The following TBCD variants were observed in gnomAD, a reference collection of about 807,000 sequenced individuals.
TBCD encodes the protein tubulin-specific chaperone D.
TBCD carries 105 observed loss-of-function variants against 169.3 expected under a neutral mutation model. The ratio of observed to expected loss-of-function variants is 0.62; its 90% CI spans 0.53 to 0.73. The LOEUF is 0.73. Among genes scored for constraint, TBCD ranks in the 30% least tolerant of loss-of-function variants. TBCD has a pLI of 0.00. For synonymous variants in TBCD, 700 were observed against 643.9 expected (o/e 1.09, Z -1.32); for missense variants, 1,444 against 1,600.1 (o/e 0.90, Z 1.66).
chr17:82,753,062 C>T (rs1474291359), intron 1 of TBCD, among the ~76,000 whole-genome samples: 1 of 152,204 alleles, frequency 6.6e-6, no homozygotes, highest in African/African-American at 2.4e-5. Flanking sequence ...TGGGTTATTT[C>T]CAAACAAGTC....
At position 82,832,895 on chromosome 17, in the gene TBCD, G is replaced by A. The variant is rs1202779684; in HGVS notation, c.1318+17961G>A. On this transcript the variant is annotated intron_variant, in intron 13 of 38. Transcript: ENST00000355528. This position sits in a 1 kb window ranked among gnomAD's most constrained non-coding sequence, Gnocchi z 4.9. ...TCACCTCGGGGCCTAGAGGTGGAGT[G>A]TGGTGTGTGGTGCGTTGAGTGTCTG... Among the ~76,000 whole-genome samples the A allele has an allele frequency of 6.6e-6, 1 of 152,214 alleles. No individual in the cohort carries two copies. Among genetic ancestry groups the A allele is most frequent in the Non-Finnish European group, 1.5e-5 (1 of 68,028 alleles).
At chr17:82,859,700 C>T (rs1404052259) in intron 13 of TBCD, 1 of 985,328 alleles carries the variant, frequency 1.0e-6, no homozygotes, top group Non-Finnish European at 1.2e-6. Flanking sequence ...CAGGGCTTGC[C>T]CGCCGGGAGT....
rs951889784 is a variant in TBCD at position 82,923,403 on chromosome 17, A to G, written c.2179-249A>G. ...ATTGCTGTGCCGAGATCTCAGGGTG[A>G]CCCGCTGTGTCCCTGGTCAGGTCCT... On this transcript the variant is annotated intron_variant, in intron 25 of 38. Transcript: ENST00000355528. The surrounding 1 kb of genome is among the most constrained non-coding windows in gnomAD (Gnocchi z 4.6). Among the ~76,000 whole-genome samples, 6 of 151,986 alleles carry G rather than the reference A, an allele frequency of 3.9e-5. No homozygotes were observed. Among genetic ancestry groups the G allele is most frequent in the Admixed American group, 6.5e-5 (1 of 15,272 alleles).
At chr17:82,846,311 G>GCGTCCGGCATGCCACGTCCCCT (rs1567879164) in intron 13 of TBCD, among the ~76,000 whole-genome samples, 4,339 of 131,962 alleles carry the variant, frequency 0.033, 261 homozygotes, top group East Asian at 0.074. Context: ...TCCACGTGCT[G>GCGTCCGGCATGCCACGTCCCCT]CGTCCAGCGT....
intron 16 of TBCD, among the ~76,000 whole-genome samples, chr17:82,892,781 C>T (rs2059230037): frequency 6.6e-6 from 1 of 152,164 alleles, no homozygotes; most frequent in Non-Finnish European, 1.5e-5. Context: ...TAAAGTTTGT[C>T]ATTTGTATTT....
chr17:82,809,588 G>C, intron 11 of TBCD, 120 bp from the exon 12 acceptor site: 1 of 1,080,930 alleles, frequency 9.3e-7, no homozygotes, highest in Non-Finnish European at 1.4e-6. Flanking sequence ...CCTGGAGTTG[G>C]CCTCTTCTCT....
intron 7 of TBCD, 33 bp downstream of exon 7, chr17:82,781,754 C>T: frequency 6.2e-7 from 1 of 1,606,532 alleles, no homozygotes; most frequent in Non-Finnish European, 8.5e-7. Context: ...GTGGAGATCG[C>T]AGGGAAATGG....
At chr17:82,940,389 C>T (rs957679918) in intron 37 of TBCD, among the ~76,000 whole-genome samples, 20 of 152,086 alleles carry the variant, frequency 1.3e-4, no homozygotes, top group South Asian at 8.3e-4. Flanking sequence ...TTTTGAGTGC[C>T]GACTGTGAGG....
chr17:82,919,703 T>C lies in TBCD; in HGVS notation c.2039-853T>C, dbSNP rs566095903. On this transcript the variant is annotated intron_variant, in intron 23 of 38. Coordinates refer to ENST00000355528, the MANE Select transcript of TBCD (RefSeq NM_005993.5). Reference sequence around the variant, plus strand: ...GGTTGGCACTGAAGAATCTTGGTGCTGACAGACACAGAGCAGGGTCTCTCG... The same window carrying C: ...GGTTGGCACTGAAGAATCTTGGTGCCGACAGACACAGAGCAGGGTCTCTCG... 4.6e-5 allele frequency among the ~76,000 whole-genome samples: 7 copies of C among 152,252 alleles called. No individual in the cohort carries two copies. In the South Asian group the frequency reaches 1.5e-3, roughly 32 times the overall value.
At chr17:82,784,133 A>G (rs1568127500) in intron 7 of TBCD, among the ~76,000 whole-genome samples, 1 of 152,196 alleles carries the variant, frequency 6.6e-6, no homozygotes, top group South Asian at 2.1e-4. Context: ...GAAAAAAAAA[A>G]CAGAAAAAAC....
chr17:82,814,956 A>AG, intron 13 of TBCD, 22 bp downstream of exon 13: 3 of 1,609,920 alleles, frequency 1.9e-6, no homozygotes, highest in South Asian at 1.1e-5. Context: ...AGGCACGGTC[A>AG]GGGGGGATGT....
intron 23 of TBCD, among the ~76,000 whole-genome samples, chr17:82,912,070 G>A (rs1402319571): frequency 6.6e-6 from 1 of 152,256 alleles, no homozygotes; most frequent in Non-Finnish European, 1.5e-5. Context: ...GGAAGCAGAG[G>A]CAGCTGGGGC....
At position 82,893,318 on chromosome 17, in the gene TBCD, T is replaced by G. The variant is rs763246544; in HGVS notation, c.1564-229T>G. On this transcript the variant is annotated intron_variant, in intron 16 of 38. Coordinates refer to ENST00000355528, the MANE Select transcript of TBCD (RefSeq NM_005993.5). ...TTGTTTGAAAAAGATGAAATACTTG[T>G]GAGTGGTTTCAATGATTTAGCGTGG... 2.0e-4 allele frequency: 109 copies of G among 545,900 alleles called. 1 individual carries two copies. The Middle Eastern group carries it at 3.0e-3, about 15-fold the overall frequency. 33.8% of individuals were successfully genotyped at this position (545,900 alleles called of 1,614,324 possible).
At chr17:82,924,350 G>C (rs1306859124) in intron 26 of TBCD, among the ~76,000 whole-genome samples, 1 of 152,182 alleles carries the variant, frequency 6.6e-6, no homozygotes, top group Non-Finnish European at 1.5e-5. Context: ...TATGAAAGTA[G>C]CATTAGGCTG....
intron 13 of TBCD, among the ~76,000 whole-genome samples, chr17:82,847,590 A>G (rs967073614): frequency 2.0e-5 from 3 of 152,192 alleles, no homozygotes; most frequent in African/African-American, 4.8e-5. Context: ...GAGATTTGTC[A>G]TGCCAATACC....
chr17:82,900,068 G>T (rs1293405581), intron 17 of TBCD, among the ~76,000 whole-genome samples: 4 of 152,200 alleles, frequency 2.6e-5, no homozygotes, highest in Admixed American at 1.3e-4. Flanking sequence ...TATATGGAGT[G>T]CAGGGCTTTA....
chr17:82,883,642 G>A (rs1207353084), intron 14 of TBCD, among the ~76,000 whole-genome samples: 3 of 152,246 alleles, frequency 2.0e-5, no homozygotes, highest in Non-Finnish European at 4.4e-5. Flanking sequence ...GTGTTCATGT[G>A]TTTCTGCAGG....
intron 1 of TBCD, among the ~76,000 whole-genome samples, chr17:82,754,531 G>A (rs1398108877): frequency 6.6e-6 from 1 of 152,258 alleles, no homozygotes; most frequent in Non-Finnish European, 1.5e-5. Flanking sequence ...ACGCCTTAGC[G>A]GAATTCAGGC....
At chr17:82,871,412 C>T (rs8065975) in intron 14 of TBCD, among the ~76,000 whole-genome samples, 1 of 152,168 alleles carries the variant, frequency 6.6e-6, no homozygotes, top group African/African-American at 2.4e-5. Flanking sequence ...TGTCACTGTC[C>T]GTCATGGGTG....
Sources: allele counts gnomAD v4.1 joint callset (sites outside exome capture counted in the v4.1 genomes callset), GRCh38; gene constraint gnomAD v4.1.1; non-coding constraint Gnocchi (gnomAD v3.1); transcripts MANE v1.5; gene names NCBI Gene and HGNC (gene_info 2026-07-23, HGNC 2026-07-21).